ERC2: variants seen among roughly 807,000 people sequenced by gnomAD.
The protein encoded by ERC2 is ELKS/RAB6-interacting/CAST family member 2, also known as ERC protein 2.
In ERC2, 42 loss-of-function variants were observed where a neutral mutation model predicts 114.8. The ratio of observed to expected loss-of-function variants is 0.37; its 90% CI spans 0.29 to 0.47. The LOEUF (loss-of-function observed/expected upper bound fraction) is 0.47, where lower values mean the gene tolerates loss of function less well. Among genes scored for constraint, ERC2 ranks in the 20% least tolerant of loss-of-function variants. The probability of loss-of-function intolerance (pLI) is 0.99; values close to 1 mark genes in which losing one functional copy is unlikely to be tolerated. For synonymous variants in ERC2, 454 were observed against 425.5 expected (o/e 1.07, Z -0.82); for missense variants, 939 against 1,150.7 (o/e 0.82, Z 2.66).
At chr3:55,669,417 CT>C (rs1157764352) in intron 17 of ERC2, among the ~76,000 whole-genome samples, 1 of 152,208 alleles carries the variant, frequency 6.6e-6, no homozygotes, top group African/African-American at 2.4e-5. Context: ...TGCAACATTG[CT>C]TTCTCAACAA....
At chr3:55,664,597 G>C (rs952371987) in intron 17 of ERC2, among the ~76,000 whole-genome samples, 5 of 152,142 alleles carry the variant, frequency 3.3e-5, no homozygotes, top group Non-Finnish European at 5.9e-5. Flanking sequence ...TTGATCAGGA[G>C]GTAGAAGTAA....
At chr3:55,936,935 T>C (rs980869866) in intron 13 of ERC2, among the ~76,000 whole-genome samples, 1 of 152,184 alleles carries the variant, frequency 6.6e-6, no homozygotes, top group Non-Finnish European at 1.5e-5. Context: ...AGTACTACCA[T>C]CACCCGAAAC....
chr3:55,671,208 T>G (rs571408878), intron 17 of ERC2, among the ~76,000 whole-genome samples: 40 of 152,310 alleles, frequency 2.6e-4, no homozygotes, highest in African/African-American at 9.4e-4. Context: ...GAATACTAAT[T>G]TTGATCCCCA....
chr3:56,038,394 C>T (rs550021596), intron 7 of ERC2, among the ~76,000 whole-genome samples: 16 of 152,144 alleles, frequency 1.1e-4, no homozygotes, highest in South Asian at 6.3e-4. Flanking sequence ...TACTATCTCA[C>T]GCCAGTCAAA....
At chr3:56,318,763 G>T (rs1254055949) in intron 2 of ERC2, among the ~76,000 whole-genome samples, 1 of 151,000 alleles carries the variant, frequency 6.6e-6, no homozygotes, top group Non-Finnish European at 1.5e-5. Context: ...ATCATTTCAC[G>T]TCTATTAGGA....
chr3:56,152,766 C>T (rs528159074), intron 4 of ERC2, among the ~76,000 whole-genome samples: 1 of 152,270 alleles, frequency 6.6e-6, no homozygotes, highest in East Asian at 1.9e-4. Flanking sequence ...TCTTTCTACA[C>T]ATTCATAAAA....
chr3:55,616,440 CTGG>C (rs2059125182), intron 17 of ERC2, among the ~76,000 whole-genome samples: 1 of 152,084 alleles, frequency 6.6e-6, no homozygotes, highest in African/African-American at 2.4e-5. Context: ...ACACCCTAGA[CTGG>C]TAAAACAAAA....
chr3:55,835,289 G>C (rs1436371041), intron 14 of ERC2, among the ~76,000 whole-genome samples: 1 of 152,082 alleles, frequency 6.6e-6, no homozygotes. Flanking sequence ...CCTGGGCAGA[G>C]ACACAACCAA....
intron 3 of ERC2, among the ~76,000 whole-genome samples, chr3:56,265,149 C>G (rs545107471): frequency 1.5e-3 from 233 of 152,054 alleles, no homozygotes; most frequent in Non-Finnish European, 2.9e-3. Flanking sequence ...ATAGGCAAAG[C>G]AATCCTGAGG....
At chr3:56,462,783 G>A (rs749989328) in intron 1 of ERC2, among the ~76,000 whole-genome samples, 12 of 152,230 alleles carry the variant, frequency 7.9e-5, no homozygotes, top group South Asian at 4.2e-4. Flanking sequence ...GAGTATGTGC[G>A]GCTGCAAGTA....
At chr3:56,277,746 A>G (rs2054094103) in intron 3 of ERC2, among the ~76,000 whole-genome samples, 1 of 23,580 alleles carries the variant, frequency 4.2e-5, no homozygotes, top group Non-Finnish European at 2.0e-4. Context: ...AAGCCAAATT[A>G]CCAAAAAAAA....
chr3:56,208,255 A>C (rs2048857741), intron 3 of ERC2, among the ~76,000 whole-genome samples: 2 of 152,212 alleles, frequency 1.3e-5, no homozygotes, highest in Admixed American at 6.5e-5. Flanking sequence ...TGGACCATTA[A>C]CTGTTGCCAG....
At chr3:56,090,531 A>T (rs2077729600) in intron 6 of ERC2, among the ~76,000 whole-genome samples, 1 of 152,222 alleles carries the variant, frequency 6.6e-6, no homozygotes. Context: ...AATATCATTT[A>T]ATAAATACAA....
chr3:55,559,101 C>G (rs1375254402), intron 17 of ERC2, among the ~76,000 whole-genome samples: 1 of 152,248 alleles, frequency 6.6e-6, no homozygotes, highest in South Asian at 2.1e-4. Context: ...TTCCCTGGAG[C>G]AGGGCATGGC....
chr3:56,029,813 G>A (rs890151012), intron 7 of ERC2, among the ~76,000 whole-genome samples: 2 of 151,808 alleles, frequency 1.3e-5, no homozygotes, highest in African/African-American at 2.4e-5. Context: ...CTATATTTTC[G>A]ATTTTATTAA....
At chr3:56,059,246 A>G (rs537015603) in intron 7 of ERC2, among the ~76,000 whole-genome samples, 93 of 152,096 alleles carry the variant, frequency 6.1e-4, no homozygotes, top group African/African-American at 2.2e-3. Flanking sequence ...GCCCGCCAAC[A>G]TGCCCGGCTA....
At chr3:55,550,038 T>G (rs2055060622) in intron 17 of ERC2, among the ~76,000 whole-genome samples, 1 of 151,878 alleles carries the variant, frequency 6.6e-6, no homozygotes, top group South Asian at 2.1e-4. Flanking sequence ...GTCTGGACCA[T>G]ACTCTTTGAC....
intron 14 of ERC2, among the ~76,000 whole-genome samples, chr3:55,887,015 A>G (rs1374364570): frequency 6.6e-6 from 1 of 152,232 alleles, no homozygotes. Context: ...TCTTGTCTGC[A>G]TAATGACTAC....
chr3:56,043,574 T>C (rs1313536013), intron 7 of ERC2, among the ~76,000 whole-genome samples: 2 of 151,858 alleles, frequency 1.3e-5, no homozygotes, highest in Non-Finnish European at 2.9e-5. Context: ...TAAAAAAAAA[T>C]CTTTTAAAAT....
Sources: gnomAD v4.1 joint callset for allele counts (sites outside exome capture counted in the v4.1 genomes callset) on GRCh38, gnomAD v4.1.1 for gene constraint, MANE v1.5 for transcripts, NCBI Gene and HGNC (gene_info 2026-07-23, HGNC 2026-07-21) for gene names.